Variants in PARD3B observed in about 807,000 individuals in gnomAD.
PARD3B encodes partitioning defective 3 homolog B.
A neutral mutation model predicts 130.2 loss-of-function variants in PARD3B; 103 were observed. That is an observed-to-expected ratio of 0.79 (90% CI 0.67 to 0.93). The LOEUF is 0.93. Among genes scored for constraint, PARD3B ranks in the 40% least tolerant of loss-of-function variants. The pLI is 0.00. For synonymous variants in PARD3B, 583 were observed against 553.2 expected, an observed-to-expected ratio of 1.05 and a Z score of -0.76; for missense variants, 1,609 against 1,499.2, an observed-to-expected ratio of 1.07 and a Z score of -1.21.
chr2:205,308,379 G>T (rs1160452407), intron 18 of PARD3B, among the ~76,000 whole-genome samples: 1 of 152,084 alleles, frequency 6.6e-6, no homozygotes, highest in Non-Finnish European at 1.5e-5. Flanking sequence ...GGCCGAGGCA[G>T]GCAGATCACG....
intron 1 of PARD3B, among the ~76,000 whole-genome samples, chr2:204,658,987 T>A (rs1178235075): frequency 6.6e-6 from 1 of 152,160 alleles, no homozygotes; most frequent in Admixed American, 6.5e-5. Flanking sequence ...ATACAGCAAA[T>A]ATCTTTGTCC....
chr2:205,395,694 T>G (rs1052337710), intron 18 of PARD3B, among the ~76,000 whole-genome samples: 1 of 152,206 alleles, frequency 6.6e-6, no homozygotes, highest in Admixed American at 6.5e-5. Context: ...TTCAAGCCAC[T>G]GTCATCTTTC....
At chr2:204,966,794 A>G (rs990337830) in intron 3 of PARD3B, among the ~76,000 whole-genome samples, 5 of 152,200 alleles carry the variant, frequency 3.3e-5, no homozygotes, top group Non-Finnish European at 7.3e-5. Context: ...TACTTCTTCC[A>G]TATGATTTTT....
rs1014761904 is a variant in PARD3B at position 205,276,062 on chromosome 2, G to A, written c.2186-24468G>A. Among the ~76,000 whole-genome samples, 21 of 152,150 alleles carry A rather than the reference G, an allele frequency of 1.4e-4. No individual in the cohort carries two copies. The highest frequency in any genetic ancestry group is 4.3e-4 in the African/African-American group (18 of 41,428). ...AGTCTGAGAAATCTATTAAGAGTTA[G>A]TCTTAATACAAGTAACTGAAGTTGT... is the stretch of plus-strand genomic sequence containing the variant. On this transcript the variant is annotated intron_variant, in intron 16 of 22. Coordinates refer to ENST00000406610, the MANE Select transcript of PARD3B (RefSeq NM_001302769.2). This position sits in a 1 kb window ranked among gnomAD's most constrained non-coding sequence, Gnocchi z 5.0.
intron 2 of PARD3B, among the ~76,000 whole-genome samples, chr2:204,747,550 A>G (rs2040292734): frequency 6.6e-6 from 1 of 152,140 alleles, no homozygotes; most frequent in Non-Finnish European, 1.5e-5. Context: ...CAAGCTACCA[A>G]TGACTTTCTT....
At chr2:204,557,864 A>G (rs1468640048) in intron 1 of PARD3B, among the ~76,000 whole-genome samples, 2 of 152,034 alleles carry the variant, frequency 1.3e-5, no homozygotes, top group African/African-American at 2.4e-5. Flanking sequence ...GTAGTTATGG[A>G]TTTTCCATGA....
chr2:204,640,873 AG>A (rs1382134119), intron 1 of PARD3B, among the ~76,000 whole-genome samples: 2 of 150,510 alleles, frequency 1.3e-5, no homozygotes, highest in Non-Finnish European at 3.0e-5. Context: ...GCCTGTGGGC[AG>A]AGGGGAGGAA....
In PARD3B at chr2:204,795,269, A is replaced by T. The variant is rs2125486116; in HGVS notation, c.222+108987A>T. Among the ~76,000 whole-genome samples, 3 of 152,338 alleles carry T rather than the reference A, an allele frequency of 2.0e-5. 1 individual carries two copies. In the South Asian group the frequency reaches 6.2e-4, roughly 32 times the overall value. On this transcript the variant is annotated intron_variant, in intron 2 of 22. Coordinates refer to ENST00000406610, the MANE Select transcript of PARD3B (RefSeq NM_001302769.2). ...CCTCAATTTTTGGGCAAACAGATTG[A>T]TAGTGATTGAGTCATTTTGATAGTG...
chr2:204,863,545 T>C (rs952960165), intron 2 of PARD3B, among the ~76,000 whole-genome samples: 1 of 152,202 alleles, frequency 6.6e-6, no homozygotes, highest in Non-Finnish European at 1.5e-5. Flanking sequence ...ACAGTGTGAG[T>C]TAGAACTTCG....
chr2:205,416,917 CTTTCT>C (rs537900796), intron 19 of PARD3B, among the ~76,000 whole-genome samples: 216 of 151,934 alleles, frequency 1.4e-3, no homozygotes, highest in Non-Finnish European at 2.4e-3. Context: ...ACAACTGAAC[CTTTCT>C]TTTCTTTTCT....
intron 2 of PARD3B, among the ~76,000 whole-genome samples, chr2:204,721,929 G>A (rs955231146): frequency 4.6e-5 from 7 of 152,044 alleles, no homozygotes; most frequent in Non-Finnish European, 1.0e-4. Context: ...AACTACCTCT[G>A]CATGCAGAGG....
chr2:205,193,458 C>T, intron 15 of PARD3B, 138 bp downstream of exon 15: 2 of 624,594 alleles, frequency 3.2e-6, no homozygotes, highest in Non-Finnish European at 5.8e-6. Flanking sequence ...GGATAATGGC[C>T]ATCCCACCTT....
intron 2 of PARD3B, among the ~76,000 whole-genome samples, chr2:204,806,075 A>G (rs766990967): frequency 6.6e-6 from 1 of 152,150 alleles, no homozygotes; most frequent in Non-Finnish European, 1.5e-5. Flanking sequence ...AGCAAACCGC[A>G]GATGCAATAC....
At chr2:205,302,065 CTTTTT>C (rs3048088) in intron 18 of PARD3B, among the ~76,000 whole-genome samples, 7 of 77,780 alleles carry the variant, frequency 9.0e-5, no homozygotes, top group African/African-American at 3.7e-4. Flanking sequence ...TTTTTCTTTT[CTTTTT>C]TTTTTTTTTT....
chr2:204,717,765 G>A (rs1371070569), intron 2 of PARD3B, among the ~76,000 whole-genome samples: 1 of 152,138 alleles, frequency 6.6e-6, no homozygotes, highest in African/African-American at 2.4e-5. Context: ...AGATGGCCAG[G>A]ATGTGACGTG....
chr2:205,574,639 G>C (rs762728090), intron 22 of PARD3B, among the ~76,000 whole-genome samples: 2 of 151,900 alleles, frequency 1.3e-5, no homozygotes, highest in African/African-American at 2.4e-5. Flanking sequence ...GCACTCCAGT[G>C]GGGGGGCAAC....
rs2055494458 is a variant in PARD3B at position 205,618,193 on chromosome 2, A to C, written c.*2380A>C. Reference sequence around the variant, plus strand: ...TACTATTAAAGTGAACAAAAACTAGATTGCAACAGTTTTCTTTCCTTGCTT... The same window carrying C: ...TACTATTAAAGTGAACAAAAACTAGCTTGCAACAGTTTTCTTTCCTTGCTT... On this transcript the variant is annotated 3_prime_UTR_variant, in exon 23 of 23. Coordinates refer to ENST00000406610, the MANE Select transcript of PARD3B (RefSeq NM_001302769.2). 6.6e-6 allele frequency: 1 copy of C among 152,238 alleles called. No individual in the cohort carries two copies. The highest frequency in any genetic ancestry group is 1.5e-5 in the Non-Finnish European group (1 of 68,042). 9.4% of individuals were successfully genotyped at this position (152,238 alleles called of 1,614,324 possible). A position where few individuals can be genotyped will look rare whatever the true frequency, so the allele number is the denominator to read the frequency against.
intron 4 of PARD3B, among the ~76,000 whole-genome samples, chr2:205,085,648 T>A (rs186096798): frequency 2.0e-5 from 3 of 152,082 alleles, no homozygotes; most frequent in Non-Finnish European, 1.5e-5. Context: ...ACAATAACCA[T>A]TGGGGTTTTC....
At chr2:205,051,037 G>T (rs772244473) in intron 4 of PARD3B, among the ~76,000 whole-genome samples, 1 of 152,064 alleles carries the variant, frequency 6.6e-6, no homozygotes, top group South Asian at 2.1e-4. Context: ...TTTATTGTTC[G>T]CTCACTGATA....
Sources: gnomAD v4.1 joint callset for allele counts (sites outside exome capture counted in the v4.1 genomes callset) on GRCh38, gnomAD v4.1.1 for gene constraint, Gnocchi (gnomAD v3.1) non-coding constraint, MANE v1.5 for transcripts, NCBI Gene and HGNC (gene_info 2026-07-23, HGNC 2026-07-21) for gene names.